Variants in PTPRJ observed in about 807,000 individuals in gnomAD.
PTPRJ encodes protein tyrosine phosphatase receptor type J.
A neutral mutation model predicts 141.3 loss-of-function variants in PTPRJ; 129 were observed. The observed-to-expected ratio is 0.91, with a 90% CI of 0.79 to 1.06. The LOEUF (loss-of-function observed/expected upper bound fraction) is 1.06, where lower values mean the gene tolerates loss of function less well. PTPRJ is among the 50% of genes least tolerant of loss of function. The probability of loss-of-function intolerance (pLI) is 0.00; values close to 1 mark genes in which losing one functional copy is unlikely to be tolerated. For synonymous variants in PTPRJ, 610 were observed against 640.5 expected (o/e 0.95, Z 0.72); for missense variants, 1,601 against 1,679.7 (o/e 0.95, Z 0.82).
intron 4 of PTPRJ, among the ~76,000 whole-genome samples, chr11:48,123,361 C>T (rs1433983578): frequency 1.3e-5 from 2 of 152,066 alleles, no homozygotes; most frequent in South Asian, 2.1e-4. Context: ...TAAACAATTT[C>T]AGTTTTAAGG....
intron 1 of PTPRJ, among the ~76,000 whole-genome samples, chr11:48,031,930 C>CTT (rs1853995039): frequency 6.6e-6 from 1 of 152,136 alleles, no homozygotes; most frequent in African/African-American, 2.4e-5. Context: ...GGTTATTTTG[C>CTT]TTATGCACCC....
Position 48,121,155 on chromosome 11 carries a change from C to T in PTPRJ, c.505C>T (p.Pro169Ser). The change falls in exon 4 of 25, where the codon CCA (proline) becomes TCA (serine). Residue 169 changes from proline (P) to serine (S), a missense_variant. Pro to Ser is a moderately conservative substitution (Grantham distance 74). Transcript: ENST00000418331. ...NEKTITVVHQ[P>S]WCNITGLRPA... Reference sequence around the variant, plus strand: ...GAAGACAATTACTGTTGTGCATCAACCATGGTGTAACATCACAGGCTTACG... The same window carrying T: ...GAAGACAATTACTGTTGTGCATCAATCATGGTGTAACATCACAGGCTTACG... The T allele has an allele frequency of 1.2e-6, 2 of 1,614,118 alleles. No homozygotes were observed. Among genetic ancestry groups the T allele is most frequent in the Non-Finnish European group, 1.7e-6 (2 of 1,180,002 alleles).
chr11:48,039,706 T>C (rs760126189), intron 1 of PTPRJ, among the ~76,000 whole-genome samples: 1 of 152,192 alleles, frequency 6.6e-6, no homozygotes, highest in Non-Finnish European at 1.5e-5. Flanking sequence ...GAAGTTTTAT[T>C]GAGGCACTGG....
intron 1 of PTPRJ, among the ~76,000 whole-genome samples, chr11:47,996,157 C>A (rs369108491): frequency 2.0e-5 from 3 of 151,428 alleles, no homozygotes; most frequent in African/African-American, 7.3e-5. Flanking sequence ...CACGGTGAAA[C>A]CCCATCTCTA....
chr11:48,127,936 C>A lies in PTPRJ; in HGVS notation c.1250C>A (p.Pro417His), dbSNP rs1856884199. 1 of 1,614,050 alleles carries A rather than the reference C, an allele frequency of 6.2e-7. No homozygotes were observed. The highest frequency in any genetic ancestry group is 8.5e-7 in the Non-Finnish European group (1 of 1,180,022). ...TCTTCCAATCTCAACGTCAGTGAGCCTCGCGCTGTCATCCCCGGACTCCGC... is the reference window on the plus strand; with the variant it reads ...TCTTCCAATCTCAACGTCAGTGAGCATCGCGCTGTCATCCCCGGACTCCGC... ...TDSSNLNVSE[P>H]RAVIPGLRSS... The change falls in exon 7 of 25, where the codon CCT (proline) becomes CAT (histidine). Residue 417 changes from proline to histidine, a missense_variant. Transcript: ENST00000418331.
chr11:48,035,336 C>T (rs1406358552), intron 1 of PTPRJ, among the ~76,000 whole-genome samples: 4 of 152,162 alleles, frequency 2.6e-5, no homozygotes, highest in African/African-American at 9.7e-5. Context: ...CACCGCAGAT[C>T]TCCTTTTCTT....
intron 7 of PTPRJ, 65 bp from the exon 8 acceptor site, chr11:48,130,394 G>T: frequency 6.8e-7 from 1 of 1,473,480 alleles, no homozygotes. Context: ...TATTTTCTGA[G>T]GTGGGGCATC....
chr11:48,167,114 C>G, intron 24 of PTPRJ, 90 bp from the exon 25 acceptor site: 1 of 1,258,942 alleles, frequency 7.9e-7, no homozygotes, highest in South Asian at 1.4e-5. Flanking sequence ...GGGAGTTGGG[C>G]GGGGGAATGA....
At position 48,121,100 on chromosome 11, in the gene PTPRJ, G is replaced by C; in HGVS notation, c.450G>C (p.Lys150Asn). ...KSNDTAASEYKYVVKHKMENE... is the reference protein window; with the variant it reads ...KSNDTAASEYNYVVKHKMENE... ...ATGACACAGCTGCTTCTGAGTACAAGTATGTAGTAAAGCATAAGATGGAAA... is the reference window on the plus strand; with the variant it reads ...ATGACACAGCTGCTTCTGAGTACAACTATGTAGTAAAGCATAAGATGGAAA... Residue 150 changes from lysine to asparagine, a missense_variant, in exon 4 of 25, where the codon AAG becomes AAC. Coordinates refer to ENST00000418331, the MANE Select transcript of PTPRJ (RefSeq NM_002843.4). 1.2e-6 allele frequency: 2 copies of C among 1,614,012 alleles called. No homozygotes were observed. The highest frequency in any genetic ancestry group is 1.7e-6 in the Non-Finnish European group (2 of 1,179,990).
chr11:48,167,165 A>G (rs371633411), intron 24 of PTPRJ, 39 bp from the exon 25 acceptor site: 208 of 1,572,308 alleles, frequency 1.3e-4, no homozygotes, highest in Non-Finnish European at 1.7e-4. Flanking sequence ...TCTGGGACCC[A>G]TGTTCATTTT....
At chr11:48,066,390 G>A (rs958842891) in intron 1 of PTPRJ, among the ~76,000 whole-genome samples, 2 of 151,800 alleles carry the variant, frequency 1.3e-5, no homozygotes, top group Non-Finnish European at 2.9e-5. Flanking sequence ...ATGGGTCCCC[G>A]CCATTGCTCT....
Position 48,159,886 on chromosome 11 carries a change from T to A in PTPRJ, c.3439-44T>A, listed in dbSNP as rs200810442. ...CTTGTGAGGTTTTAGTGATGGCAGA[T>A]GGCATGATCTGAGTCTTCTTATAAA... On this transcript the variant is annotated intron_variant, in intron 21 of 24. Coordinates refer to ENST00000418331, the MANE Select transcript of PTPRJ (RefSeq NM_002843.4). The A allele has an allele frequency of 5.0e-6, 8 of 1,608,818 alleles. No individual in the cohort carries two copies. The African/African-American group carries it at 1.1e-4, about 21-fold the overall frequency.
At chr11:48,110,240 T>C (rs193287410) in intron 2 of PTPRJ, among the ~76,000 whole-genome samples, 164 bp downstream of exon 2, 2 of 152,326 alleles carry the variant, frequency 1.3e-5, no homozygotes, top group African/African-American at 4.8e-5. Flanking sequence ...GGAGCCTCGC[T>C]CTGTAGCCCA....
intron 1 of PTPRJ, among the ~76,000 whole-genome samples, chr11:48,097,789 C>T (rs1856050406): frequency 6.6e-6 from 1 of 152,168 alleles, no homozygotes; most frequent in African/African-American, 2.4e-5. Context: ...TCCCCAGCCT[C>T]AGCCCCCCAA....
At chr11:48,033,081 C>G (rs995335207) in intron 1 of PTPRJ, among the ~76,000 whole-genome samples, 6 of 151,678 alleles carry the variant, frequency 4.0e-5, no homozygotes, top group African/African-American at 1.5e-4. Flanking sequence ...AGTCTAACAT[C>G]AGGTAGACTT....
chr11:47,988,879 GTTTTTTTTTT>G (rs869194701), intron 1 of PTPRJ, among the ~76,000 whole-genome samples: 4 of 76,340 alleles, frequency 5.2e-5, no homozygotes, highest in African/African-American at 2.7e-4. Flanking sequence ...ATTGTATCTT[GTTTTTTTTTT>G]TTTTTTTTTT....
In PTPRJ at chr11:48,169,752, G is replaced by A. The variant is rs990167665; in HGVS notation, c.*2390G>A. On this transcript the variant is annotated 3_prime_UTR_variant, in exon 25 of 25. Coordinates refer to ENST00000418331, the MANE Select transcript of PTPRJ (RefSeq NM_002843.4). The stretch of plus-strand genomic sequence containing the variant: ...AAAGCAACATAACTGTAAACATATT[G>A]TATAAAAATGAAAAACACAGGAACC... 12 of 152,142 alleles carry A rather than the reference G, an allele frequency of 7.9e-5. No homozygotes were observed. Among genetic ancestry groups the A allele is most frequent in the Non-Finnish European group, 1.3e-4 (9 of 68,024 alleles). 9.4% of individuals were successfully genotyped at this position (152,142 alleles called of 1,614,324 possible). A position where few individuals can be genotyped will look rare whatever the true frequency, so the allele number is the denominator to read the frequency against.
intron 1 of PTPRJ, among the ~76,000 whole-genome samples, chr11:48,008,370 C>T (rs1254924361): frequency 6.6e-6 from 1 of 151,980 alleles, no homozygotes; most frequent in African/African-American, 2.4e-5. Flanking sequence ...AAGCAATTCT[C>T]TGCCTCATCC....
chr11:48,122,926 C>T (rs1182658350), intron 4 of PTPRJ, among the ~76,000 whole-genome samples: 1 of 152,138 alleles, frequency 6.6e-6, no homozygotes, highest in African/African-American at 2.4e-5. Context: ...CTCCTGTCCC[C>T]ACTGCTACCA....
Sources: allele counts gnomAD v4.1 joint callset (sites outside exome capture counted in the v4.1 genomes callset), GRCh38; gene constraint gnomAD v4.1.1; transcripts MANE v1.5; gene names NCBI Gene and HGNC (gene_info 2026-07-23, HGNC 2026-07-21).